OR52I2: variants seen among roughly 807,000 people sequenced by gnomAD.
The protein encoded by OR52I2 is olfactory receptor family 52 subfamily I member 2.
For missense variants in OR52I2, 350 were observed against 402.4 expected (o/e 0.87, Z 1.11); for synonymous variants, 147 against 151.9 (o/e 0.97, Z 0.24).
At chr11:4,587,489 G>C (rs1408452655) in exon 2 of OR52I2, 1 of 1,614,090 alleles carries the variant, frequency 6.2e-7, no homozygotes, top group Non-Finnish European at 8.5e-7. Context: ...GTGCCCAGCA[G>C]TCTCTACAGT....
At chr11:4,586,524 C>T (rs921075804) in intron 1 of OR52I2, among the ~76,000 whole-genome samples, 1 of 152,060 alleles carries the variant, frequency 6.6e-6, no homozygotes, top group Non-Finnish European at 1.5e-5. Context: ...TTAATGCACA[C>T]AATAAAGTCT....
chr11:4,585,983 G>A (rs1846297079), intron 1 of OR52I2, among the ~76,000 whole-genome samples: 1 of 152,136 alleles, frequency 6.6e-6, no homozygotes, highest in Middle Eastern at 3.2e-3. Flanking sequence ...TGCCTGGAAT[G>A]TCTTGGTAGT....
exon 2 of OR52I2, chr11:4,592,477 GA>G (rs1386858673): frequency 6.6e-6 from 1 of 152,124 alleles, no homozygotes; most frequent in Non-Finnish European, 1.5e-5. Flanking sequence ...CTATTCTGAT[GA>G]AATAGAATCT....
In OR52I2 at chr11:4,583,206, T is replaced by G. The variant is rs373834975; in HGVS notation, c.-20+1342T>G. Among the ~76,000 whole-genome samples, 45 of 152,240 alleles carry G rather than the reference T, an allele frequency of 3.0e-4. 1 individual carries two copies. Among genetic ancestry groups the G allele is most frequent in the African/African-American group, 1.1e-3 (45 of 41,548 alleles). Reference sequence around the variant, plus strand: ...CCAACAAAATCAAATATCCTGTTCTTTGAAAAGATTACTAACAATTAAATC... The same window carrying G: ...CCAACAAAATCAAATATCCTGTTCTGTGAAAAGATTACTAACAATTAAATC... On this transcript the variant is annotated intron_variant, in intron 1 of 1. Transcript: ENST00000641896.
intron 1 of OR52I2, among the ~76,000 whole-genome samples, chr11:4,582,434 A>ATTTT (rs386372959): frequency 0.012 from 1,160 of 96,332 alleles, 37 homozygotes; most frequent in Admixed American, 0.017. Context: ...TTTATTTTTC[A>ATTTT]TTTTTTTTTT....
chr11:4,587,421 G>A, exon 2 of OR52I2: 1 of 1,614,062 alleles, frequency 6.2e-7, no homozygotes, highest in East Asian at 2.2e-5. Context: ...GCTCCAATGT[G>A]GTTGTCCACT....
intron 1 of OR52I2, 66 bp from the exon 2 acceptor site, chr11:4,586,806 G>T (rs753992648): frequency 6.2e-7 from 1 of 1,610,278 alleles, no homozygotes; most frequent in Admixed American, 1.7e-5. Context: ...GGTTTTCCCA[G>T]CACCACATGT....
exon 2 of OR52I2, chr11:4,587,630 C>T (rs542810905): frequency 1.2e-6 from 2 of 1,614,090 alleles, no homozygotes; most frequent in East Asian, 2.2e-5. Context: ...ACATGTGGCT[C>T]CCATGTGGGG....
intron 1 of OR52I2, among the ~76,000 whole-genome samples, chr11:4,582,766 C>T (rs1236630883): frequency 6.6e-6 from 1 of 151,880 alleles, no homozygotes; most frequent in Non-Finnish European, 1.5e-5. Context: ...GGTGATTGGC[C>T]CTCCAGATCT....
chr11:4,592,605 C>A (rs953561577), exon 2 of OR52I2: 16 of 152,108 alleles, frequency 1.1e-4, no homozygotes, highest in Non-Finnish European at 1.8e-4. Context: ...TGCCTATGAC[C>A]AAACACCATA....
rs182958655 is a variant in OR52I2, at chr11:4,588,371, G to C, written c.*506G>C. ...ACTAGAAACTTTATAGCTTGTGCCT[G>C]TTGACTCTTTTCTGCCAACTTTATT... On this transcript the variant is annotated 3_prime_UTR_variant, in exon 2 of 2. Coordinates refer to ENST00000641896, the Ensembl canonical transcript of OR52I2. 327 of 158,740 alleles carry C rather than the reference G, an allele frequency of 2.1e-3. 2 individuals are homozygous for C. Among genetic ancestry groups the C allele is most frequent in the Non-Finnish European group, 3.8e-3 (272 of 71,682 alleles). The allele number at this position is 158,740 out of a possible 1,614,324, so 9.8% of individuals were successfully genotyped here. A position where few individuals can be genotyped will look rare whatever the true frequency, so the allele number is the denominator to read the frequency against.
intron 1 of OR52I2, among the ~76,000 whole-genome samples, chr11:4,582,433 C>CTT (rs1564859030): frequency 6.2e-4 from 46 of 74,642 alleles, no homozygotes; most frequent in Admixed American, 2.7e-3. Context: ...ATTTATTTTT[C>CTT]ATTTTTTTTT....
chr11:4,584,467 T>C (rs1477076074), intron 1 of OR52I2, among the ~76,000 whole-genome samples: 1 of 151,980 alleles, frequency 6.6e-6, no homozygotes, highest in Non-Finnish European at 1.5e-5. Context: ...GGAAAAAGAG[T>C]TGAAGTAGCA....
intron 1 of OR52I2, among the ~76,000 whole-genome samples, chr11:4,583,182 C>T (rs951666161): frequency 6.6e-6 from 1 of 151,886 alleles, no homozygotes; most frequent in African/African-American, 2.4e-5. Flanking sequence ...AAGAAACAGC[C>T]AACAAAATCA....
At chr11:4,587,433 C>T (rs772808867) in exon 2 of OR52I2, 7 of 1,614,014 alleles carry the variant, frequency 4.3e-6, no homozygotes, top group Non-Finnish European at 5.9e-6. Context: ...TTGTCCACTC[C>T]TACTGTGAGC....
rs386372959 is a variant in OR52I2, at chr11:4,582,434, A to ATTTTTT, written c.-20+587_-20+592dup. On this transcript the variant is annotated intron_variant, in intron 1 of 1. Transcript: ENST00000641896. ...TTATTTTTATATTTATTTATTTTTC[A>ATTTTTT]TTTTTTTTTTTTTTTTTTTTTTGAG... Among the ~76,000 whole-genome samples, 74 of 96,468 alleles carry ATTTTTT rather than the reference A, an allele frequency of 7.7e-4. 5 individuals carry two copies. The highest frequency in any genetic ancestry group is 1.5e-3 in the East Asian group (5 of 3,234). 63.3% of individuals were successfully genotyped at this position (96,468 alleles called of 152,430 possible).
At chr11:4,585,179 C>G (rs1165782950) in intron 1 of OR52I2, among the ~76,000 whole-genome samples, 1 of 152,154 alleles carries the variant, frequency 6.6e-6, no homozygotes, top group Non-Finnish European at 1.5e-5. Context: ...AGAACCAATA[C>G]TTTTCGACTC....
At chr11:4,587,872 T>A in exon 2 of OR52I2, 1 of 1,607,244 alleles carries the variant, frequency 6.2e-7, no homozygotes. Context: ...ATGAACACAA[T>A]ATCTGTTCAG....
At chr11:4,582,567 G>A (rs1846267162) in intron 1 of OR52I2, among the ~76,000 whole-genome samples, 1 of 150,170 alleles carries the variant, frequency 6.7e-6, no homozygotes, top group African/African-American at 2.5e-5. Flanking sequence ...AGCCTCCTGA[G>A]TAGCTGGGAC....
Sources: gnomAD v4.1 joint callset for allele counts (sites outside exome capture counted in the v4.1 genomes callset) on GRCh38, gnomAD v4.1.1 for gene constraint, MANE v1.5 for transcripts, NCBI Gene and HGNC (gene_info 2026-07-23, HGNC 2026-07-21) for gene names.